PPM1L: variants seen among roughly 807,000 people sequenced by gnomAD.
PPM1L encodes the protein protein phosphatase 1L.
Under a neutral mutation model 31.4 loss-of-function variants are expected in PPM1L, and 13 were observed. That is an observed-to-expected ratio of 0.41 (90% CI 0.27 to 0.66). The LOEUF (loss-of-function observed/expected upper bound fraction) is 0.66, where lower values mean the gene tolerates loss of function less well. Among genes scored for constraint, PPM1L ranks in the 30% least tolerant of loss-of-function variants. The pLI, the probability that PPM1L is intolerant of heterozygous loss-of-function variation, is 0.29. For synonymous variants in PPM1L, 184 were observed against 175.4 expected, an observed-to-expected ratio of 1.05 and a Z score of -0.39; for missense variants, 326 against 453.7, an observed-to-expected ratio of 0.72 and a Z score of 2.56.
chr3:160,909,958 C>G lies in PPM1L; in HGVS notation c.400-51778C>G, dbSNP rs530078325. 5.3e-5 allele frequency among the ~76,000 whole-genome samples: 8 copies of G among 152,120 alleles called. No individual in the cohort carries two copies. In the East Asian group the frequency reaches 1.5e-3, roughly 29 times the overall value. The stretch of plus-strand genomic sequence containing the variant: ...GTGATGTACTGACCTAGTTAATACC[C>G]CGTAATCCTGGGAGGAAGGAAGGGG... On this transcript the variant is annotated intron_variant, in intron 1 of 3. Coordinates refer to ENST00000498165, the MANE Select transcript of PPM1L (RefSeq NM_139245.4).
At chr3:160,973,764 GTTTTTTTTTTTTTT>G (rs75599237) in intron 2 of PPM1L, among the ~76,000 whole-genome samples, 42,686 of 89,376 alleles carry the variant, frequency 0.48, 8,228 homozygotes, top group East Asian at 0.65. Context: ...GAAAGGCCCT[GTTTTTTTTTTTTTT>G]TTTTTTTTTT....
At chr3:160,903,208 T>G (rs5005885) in intron 1 of PPM1L, among the ~76,000 whole-genome samples, 4,132 of 119,346 alleles carry the variant, frequency 0.035, 76 homozygotes, top group African/African-American at 0.043. Context: ...GTGTGTATGT[T>G]TGTGTGTGTG....
intron 1 of PPM1L, among the ~76,000 whole-genome samples, chr3:160,776,308 G>T (rs2108063894): frequency 6.6e-6 from 1 of 152,134 alleles, no homozygotes; most frequent in Middle Eastern, 3.4e-3. Context: ...AACAGAAGTT[G>T]CTTTGTGTGT....
intron 1 of PPM1L, among the ~76,000 whole-genome samples, chr3:160,856,385 G>A (rs1711706349): frequency 6.6e-6 from 1 of 152,150 alleles, no homozygotes; most frequent in Non-Finnish European, 1.5e-5. Flanking sequence ...ATTCACAATA[G>A]CAAGGATGTG....
intron 1 of PPM1L, among the ~76,000 whole-genome samples, chr3:160,869,776 T>A (rs2197700): frequency 0.26 from 39,457 of 151,812 alleles, 5,348 homozygotes; most frequent in East Asian, 0.5. Flanking sequence ...ATTGGTCTCA[T>A]TTTTTGTACT....
chr3:161,049,179 G>C (rs1251069828), intron 2 of PPM1L, among the ~76,000 whole-genome samples: 1 of 151,934 alleles, frequency 6.6e-6, no homozygotes, highest in African/African-American at 2.4e-5. Context: ...CTGGGAAGCT[G>C]GGGTGGGAGG....
Position 161,063,839 on chromosome 3 carries a change from A to T in PPM1L, c.575-1564A>T, listed in dbSNP as rs537922475. 3.3e-5 allele frequency among the ~76,000 whole-genome samples: 5 copies of T among 152,354 alleles called. No homozygotes were observed. In the East Asian group the frequency reaches 9.6e-4, roughly 29 times the overall value. On this transcript the variant is annotated intron_variant, in intron 2 of 3. Coordinates refer to ENST00000498165, the MANE Select transcript of PPM1L (RefSeq NM_139245.4). Reference sequence around the variant, plus strand: ...ATACACCACGGAATACTATGCAGCCATAAAAAAGGATGAATTCATGTCCTT... The same window carrying T: ...ATACACCACGGAATACTATGCAGCCTTAAAAAAGGATGAATTCATGTCCTT...
At chr3:160,808,324 T>C (rs1712673575) in intron 1 of PPM1L, among the ~76,000 whole-genome samples, 3 of 142,300 alleles carry the variant, frequency 2.1e-5, no homozygotes, top group East Asian at 2.1e-4. Flanking sequence ...TGTGTGTGCG[T>C]GCATGTGTGG....
intron 2 of PPM1L, among the ~76,000 whole-genome samples, chr3:161,008,211 C>T (rs1238949440): frequency 6.6e-6 from 1 of 152,192 alleles, no homozygotes; most frequent in Non-Finnish European, 1.5e-5. Context: ...ATTATCTGAC[C>T]TTTCTTGTTT....
At chr3:160,810,545 A>G (rs767547376) in intron 1 of PPM1L, among the ~76,000 whole-genome samples, 5 of 152,206 alleles carry the variant, frequency 3.3e-5, no homozygotes, top group Middle Eastern at 3.2e-3. Context: ...GCAGCTGGGC[A>G]TGAATCAGCA....
Position 161,007,049 on chromosome 3 carries a change from G to GTCAT in PPM1L, c.574+45149_574+45152dup, listed in dbSNP as rs561263502. Reference sequence around the variant, plus strand: ...TGTAATTACTTCTCTTACCATCCCAGTCATTCATTCATTTAATATGTATCA... The same window carrying GTCAT: ...TGTAATTACTTCTCTTACCATCCCAGTCATTCATTCATTCATTTAATATGTATCA... On this transcript the variant is annotated intron_variant, in intron 2 of 3. Coordinates refer to ENST00000498165, the MANE Select transcript of PPM1L (RefSeq NM_139245.4). 4.0e-3 allele frequency among the ~76,000 whole-genome samples: 605 copies of GTCAT among 152,192 alleles called. 4 individuals carry two copies. The highest frequency in any genetic ancestry group is 0.014 in the African/African-American group (585 of 41,512).
intron 1 of PPM1L, among the ~76,000 whole-genome samples, chr3:160,894,525 A>G (rs774451691): frequency 3.9e-5 from 6 of 152,206 alleles, no homozygotes; most frequent in African/African-American, 7.2e-5. Context: ...TTTTTAGGAA[A>G]GAAGGACTCC....
chr3:160,966,296 G>A (rs1031489929), intron 2 of PPM1L, among the ~76,000 whole-genome samples: 1 of 152,020 alleles, frequency 6.6e-6, no homozygotes, highest in Non-Finnish European at 1.5e-5. Context: ...TTGCAGAAAT[G>A]AACAGAAATA....
chr3:160,863,260 A>G (rs1711969688), intron 1 of PPM1L, among the ~76,000 whole-genome samples: 1 of 152,214 alleles, frequency 6.6e-6, no homozygotes. Context: ...CCACATTCAA[A>G]ACACTTCATA....
intron 2 of PPM1L, among the ~76,000 whole-genome samples, chr3:161,030,208 T>C (rs1368610828): frequency 1.3e-5 from 2 of 152,224 alleles, no homozygotes; most frequent in Non-Finnish European, 2.9e-5. Flanking sequence ...ATAGGGCCTT[T>C]AGGAGACGAT....
intron 1 of PPM1L, among the ~76,000 whole-genome samples, chr3:160,763,740 A>G (rs1035265068): frequency 6.6e-6 from 1 of 152,210 alleles, no homozygotes; most frequent in Non-Finnish European, 1.5e-5. Context: ...GATTGATTTG[A>G]ACTAACAAGA....
At chr3:161,020,000 C>T (rs1319779011) in intron 2 of PPM1L, among the ~76,000 whole-genome samples, 1 of 151,870 alleles carries the variant, frequency 6.6e-6, no homozygotes, top group Non-Finnish European at 1.5e-5. Context: ...GTGGCGTGTG[C>T]CTGTAATCCT....
chr3:160,914,413 A>G (rs1247681210), intron 1 of PPM1L, among the ~76,000 whole-genome samples: 2 of 149,946 alleles, frequency 1.3e-5, no homozygotes, highest in Non-Finnish European at 3.0e-5. Context: ...AACATTAGGT[A>G]TATCTCCTAA....
intron 1 of PPM1L, among the ~76,000 whole-genome samples, chr3:160,757,691 G>A (rs772378511): frequency 6.6e-6 from 1 of 152,228 alleles, no homozygotes; most frequent in African/African-American, 2.4e-5. Context: ...TCAAATTGGC[G>A]GTTTGTAACG....
Sources: allele counts gnomAD v4.1 joint callset (sites outside exome capture counted in the v4.1 genomes callset), GRCh38; gene constraint gnomAD v4.1.1; transcripts MANE v1.5; gene names NCBI Gene and HGNC (gene_info 2026-07-23, HGNC 2026-07-21).